Variants in SCNN1G observed in about 807,000 individuals in gnomAD.
The protein encoded by SCNN1G is sodium channel epithelial 1 subunit gamma.
SCNN1G carries 27 observed loss-of-function variants against 64.6 expected under a neutral mutation model. The ratio of observed to expected loss-of-function variants is 0.42; its 90% CI spans 0.31 to 0.58. The LOEUF is 0.58. SCNN1G is among the 20% of genes least tolerant of loss of function. The probability of loss-of-function intolerance (pLI) is 0.18; values close to 1 mark genes in which losing one functional copy is unlikely to be tolerated. For missense variants in SCNN1G, 743 were observed against 823.4 expected, an observed-to-expected ratio of 0.90 and a Z score of 1.19; for synonymous variants, 330 against 314.2, an observed-to-expected ratio of 1.05 and a Z score of -0.53.
intron 6 of SCNN1G, among the ~76,000 whole-genome samples, chr16:23,209,369 C>A (rs1960042370): frequency 1.3e-5 from 2 of 152,154 alleles, no homozygotes; most frequent in African/African-American, 4.8e-5. Context: ...TTCGGAAATA[C>A]CTTCCCTAAT....
chr16:23,204,544 C>A (rs1023440233), intron 6 of SCNN1G, among the ~76,000 whole-genome samples: 2 of 147,204 alleles, frequency 1.4e-5, no homozygotes, highest in Non-Finnish European at 3.0e-5. Flanking sequence ...TTATACACTA[C>A]TAGTACATTA....
rs1269203128 is a variant in SCNN1G at position 23,192,352 on chromosome 16, T to C, written c.619T>C (p.Cys207Arg). 2 of 1,613,634 alleles carry C rather than the reference T, an allele frequency of 1.2e-6. No individual in the cohort carries two copies. Among genetic ancestry groups the C allele is most frequent in the African/African-American group, 1.3e-5 (1 of 74,910 alleles). Residue 207 changes from cysteine to arginine, a missense_variant and splice_region_variant, in exon 4 of 13, where the codon TGC becomes CGC. By Grantham distance (180) the Cys-to-Arg change is radical. Coordinates refer to ENST00000300061, the MANE Select transcript of SCNN1G (RefSeq NM_001039.4). ...GCCTCGCATCTCCTCTTATTCACAGTGCTCAAATGACACCTCCGACTGTGC... is the reference window on the plus strand; with the variant it reads ...GCCTCGCATCTCCTCTTATTCACAGCGCTCAAATGACACCTCCGACTGTGC... ...ESKQVVGFQLCSNDTSDCATY... is the reference protein window; with the variant it reads ...ESKQVVGFQLRSNDTSDCATY...
chr16:23,186,414 G>A lies in SCNN1G; in HGVS notation c.143G>A (p.Arg48His), dbSNP rs750505986. Residue 48 changes from arginine (R) to histidine (H), a missense_variant, in exon 2 of 13, where the codon CGC becomes CAC. Arg to His is a conservative substitution (Grantham distance 29, BLOSUM62 0). Coordinates refer to ENST00000300061, the MANE Select transcript of SCNN1G (RefSeq NM_001039.4). Reference sequence around the variant, plus strand: ...GGCTGTCGCCGCATCGTGGTGTCCCGCGGCCGTCTGCGCCGCCTCCTCTGG... The same window carrying A: ...GGCTGTCGCCGCATCGTGGTGTCCCACGGCCGTCTGCGCCGCCTCCTCTGG... Reference protein sequence around the residue: ...THGCRRIVVSRGRLRRLLWIG... With the variant: ...THGCRRIVVSHGRLRRLLWIG... 1 of 1,614,180 alleles carries A rather than the reference G, an allele frequency of 6.2e-7. No individual in the cohort carries two copies. Among genetic ancestry groups the A allele is most frequent in the East Asian group, 2.2e-5 (1 of 44,882 alleles).
chr16:23,215,734 G>A lies in SCNN1G; in HGVS notation c.*265G>A, dbSNP rs544276765. ...ACTATTAGCACGTCACTAGAGACTG[G>A]GAGCCGAGGCAGTGGTGCTGGCCCA... On this transcript the variant is annotated 3_prime_UTR_variant, in exon 13 of 13. Transcript: ENST00000300061. 3.6e-6 allele frequency: 2 copies of A among 549,884 alleles called. No homozygotes were observed. The highest frequency in any genetic ancestry group is 3.1e-5 in the Admixed American group (1 of 32,248). 34.1% of individuals were successfully genotyped at this position (549,884 alleles called of 1,614,324 possible). A position where few individuals can be genotyped will look rare whatever the true frequency, so the allele number is the denominator to read the frequency against.
At position 23,186,587 on chromosome 16, in the gene SCNN1G, A is replaced by T; in HGVS notation, c.316A>T (p.Lys106Ter). 1 of 1,611,352 alleles carries T rather than the reference A, an allele frequency of 6.2e-7. No homozygotes were observed. The highest frequency in any genetic ancestry group is 8.5e-7 in the Non-Finnish European group (1 of 1,179,574). ...AVTICNINPY[K>*]YSTVRHLLAD... ...CACCATCTGCAACATCAACCCCTAC[A>T]AGTAAGAGGCATGAGCAGGGAAACG... is the stretch of plus-strand genomic sequence containing the variant. Residue 106 changes from lysine to a stop codon, truncating the protein, a stop_gained and splice_region_variant, in exon 2 of 13, where the codon AAG (lysine) becomes TAG (stop). Coordinates refer to ENST00000300061, the MANE Select transcript of SCNN1G (RefSeq NM_001039.4). LOFTEE classifies it high-confidence loss of function.
intron 11 of SCNN1G, among the ~76,000 whole-genome samples, chr16:23,214,461 G>A (rs1357473243): frequency 1.3e-5 from 2 of 152,224 alleles, no homozygotes; most frequent in Admixed American, 1.3e-4. Context: ...TGGCAGTATG[G>A]CTGGGTCGAC....
At chr16:23,208,994 G>A (rs1004091888) in intron 6 of SCNN1G, among the ~76,000 whole-genome samples, 1 of 152,058 alleles carries the variant, frequency 6.6e-6, no homozygotes, top group African/African-American at 2.4e-5. Flanking sequence ...AAATTTCTCA[G>A]CTGGGCATGA....
chr16:23,192,533 G>C lies in SCNN1G; in HGVS notation c.800G>C (p.Cys267Ser). ...LVTCFFDGVS[C>S]DARNFTLFHH... ...ACCTGCTTCTTTGATGGAGTGTCCTGTGATGCCAGGTCAGGAGAGAATGCT... is the reference window on the plus strand; with the variant it reads ...ACCTGCTTCTTTGATGGAGTGTCCTCTGATGCCAGGTCAGGAGAGAATGCT... The change falls in exon 4 of 13, where the codon TGT becomes TCT. Residue 267 changes from cysteine to serine, a missense_variant. Coordinates refer to ENST00000300061, the MANE Select transcript of SCNN1G (RefSeq NM_001039.4). 1 of 1,611,592 alleles carries C rather than the reference G, an allele frequency of 6.2e-7. No individual in the cohort carries two copies.
In SCNN1G at chr16:23,186,589, G is replaced by A; in HGVS notation, c.317+1G>A. 2 of 1,611,556 alleles carry A rather than the reference G, an allele frequency of 1.2e-6. No homozygotes were observed. Among genetic ancestry groups the A allele is most frequent in the Non-Finnish European group, 1.7e-6 (2 of 1,179,866 alleles). The stretch of plus-strand genomic sequence containing the variant: ...CCATCTGCAACATCAACCCCTACAA[G>A]TAAGAGGCATGAGCAGGGAAACGCG... On this transcript the variant is annotated splice_donor_variant, in intron 2 of 12. Coordinates refer to ENST00000300061, the MANE Select transcript of SCNN1G (RefSeq NM_001039.4). LOFTEE classifies it high-confidence loss of function.
chr16:23,214,661 G>A (rs1399495104), intron 11 of SCNN1G, 51 bp from the exon 12 acceptor site: 6 of 1,424,562 alleles, frequency 4.2e-6, no homozygotes, highest in African/African-American at 2.8e-5. Flanking sequence ...CTGAGGACTG[G>A]TAATCTGGTA....
intron 6 of SCNN1G, among the ~76,000 whole-genome samples, chr16:23,207,696 C>T (rs1167331185): frequency 1.3e-5 from 2 of 152,158 alleles, no homozygotes; most frequent in African/African-American, 4.8e-5. Context: ...AGCCACTTTC[C>T]CCTTTGTTTG....
At chr16:23,189,731 G>A in intron 3 of SCNN1G, 60 bp downstream of exon 3, 2 of 1,526,002 alleles carry the variant, frequency 1.3e-6, no homozygotes, top group Non-Finnish European at 1.8e-6. Flanking sequence ...CTGGGTCCAG[G>A]ACTCTTCTCC....
chr16:23,214,576 G>C (rs1960129961), intron 11 of SCNN1G, 136 bp from the exon 12 acceptor site: 1 of 728,696 alleles, frequency 1.4e-6, no homozygotes, highest in Non-Finnish European at 2.5e-6. Context: ...GCCCTTATGG[G>C]CCAGGTTCTA....
intron 2 of SCNN1G, among the ~76,000 whole-genome samples, chr16:23,188,727 T>A (rs1959654861): frequency 2.0e-5 from 3 of 152,168 alleles, no homozygotes. Flanking sequence ...CCCAGGGGTT[T>A]CTATTCTCAA....
Position 23,186,419 on chromosome 16 carries a change from C to G in SCNN1G, c.148C>G (p.Arg50Gly). The change falls in exon 2 of 13, where the codon CGT (arginine) becomes GGT (glycine). Residue 50 changes from arginine (R) to glycine (G), a missense_variant. Physicochemically the swap from Arg to Gly is moderately radical, Grantham distance 125 (BLOSUM62 -2). Transcript: ENST00000300061. ...GCRRIVVSRG[R>G]LRRLLWIGFT... ...TCGCCGCATCGTGGTGTCCCGCGGCCGTCTGCGCCGCCTCCTCTGGATCGG... is the reference window on the plus strand; with the variant it reads ...TCGCCGCATCGTGGTGTCCCGCGGCGGTCTGCGCCGCCTCCTCTGGATCGG... 1.2e-6 allele frequency: 2 copies of G among 1,614,244 alleles called. No individual in the cohort carries two copies. Among genetic ancestry groups the G allele is most frequent in the Non-Finnish European group, 1.7e-6 (2 of 1,180,046 alleles).
At chr16:23,204,986 T>C (rs1959966697) in intron 6 of SCNN1G, among the ~76,000 whole-genome samples, 1 of 152,138 alleles carries the variant, frequency 6.6e-6, no homozygotes, top group Non-Finnish European at 1.5e-5. Context: ...CTAAATATTG[T>C]ATTTTTAGTA....
chr16:23,215,519 G>A lies in SCNN1G; in HGVS notation c.*50G>A. The A allele has an allele frequency of 4.4e-6, 7 of 1,598,820 alleles. No homozygotes were observed. Among genetic ancestry groups the A allele is most frequent in the Non-Finnish European group, 5.9e-6 (7 of 1,178,292 alleles). On this transcript the variant is annotated 3_prime_UTR_variant, in exon 13 of 13. Transcript: ENST00000300061. ...GTCAGGACCACCAGCCATGGTCTAA[G>A]GACATGGATCGGGTGCCCCCAGACG...
At chr16:23,192,261 G>C in intron 3 of SCNN1G, 91 bp from the exon 4 acceptor site, 1 of 1,031,756 alleles carries the variant, frequency 9.7e-7, no homozygotes, top group Non-Finnish European at 1.5e-6. Flanking sequence ...TGAGTATCTG[G>C]CCTGGAGTCT....
intron 3 of SCNN1G, among the ~76,000 whole-genome samples, chr16:23,190,752 A>G (rs1030202275): frequency 6.6e-6 from 1 of 152,014 alleles, no homozygotes; most frequent in Admixed American, 6.5e-5. Context: ...AACAGCAGAA[A>G]CATCAATATT....
Sources: allele counts gnomAD v4.1 joint callset (sites outside exome capture counted in the v4.1 genomes callset), GRCh38; gene constraint gnomAD v4.1.1; transcripts MANE v1.5; gene names NCBI Gene and HGNC (gene_info 2026-07-23, HGNC 2026-07-21).